The following IMPG1 variants were observed in gnomAD, a reference collection of about 807,000 sequenced individuals.
The protein encoded by IMPG1 is interphotoreceptor matrix proteoglycan of 150 kDa.
IMPG1 carries 85 observed loss-of-function variants against 92.0 expected under a neutral mutation model. The ratio of observed to expected loss-of-function variants is 0.92; its 90% CI spans 0.78 to 1.11. The LOEUF is 1.11. IMPG1 is among the 50% of genes least tolerant of loss of function. The pLI is 0.00. For synonymous variants in IMPG1, 367 were observed against 334.1 expected, an observed-to-expected ratio of 1.10 and a Z score of -1.08; for missense variants, 1,022 against 956.0, an observed-to-expected ratio of 1.07 and a Z score of -0.91.
intron 13 of IMPG1, among the ~76,000 whole-genome samples, chr6:75,949,354 C>A (rs549440059): frequency 6.6e-6 from 1 of 152,196 alleles, no homozygotes; most frequent in Non-Finnish European, 1.5e-5. Context: ...GACCTCTGGT[C>A]GTCCTCACTA....
At chr6:76,067,107 A>C (rs1337229766) in intron 1 of IMPG1, among the ~76,000 whole-genome samples, 1 of 152,126 alleles carries the variant, frequency 6.6e-6, no homozygotes, top group Non-Finnish European at 1.5e-5. Flanking sequence ...ACAAATTAAC[A>C]ACCTAATGTC....
At chr6:76,017,877 C>T (rs1047668747) in intron 7 of IMPG1, among the ~76,000 whole-genome samples, 4 of 152,100 alleles carry the variant, frequency 2.6e-5, no homozygotes, top group Admixed American at 6.5e-5. Context: ...CTCAGCCTCC[C>T]GAGTAGCTGG....
chr6:76,025,371 A>G lies in IMPG1; in HGVS notation c.498-113T>C, dbSNP rs554404849. 176 of 515,192 alleles carry G rather than the reference A, an allele frequency of 3.4e-4. 1 individual carries two copies. The highest frequency in any genetic ancestry group is 4.9e-4 in the Middle Eastern group (1 of 2,022). The allele number at this position is 515,192 out of a possible 1,614,324, so 31.9% of individuals were successfully genotyped here. A position where few individuals can be genotyped will look rare whatever the true frequency, so the allele number is the denominator to read the frequency against. On this transcript the variant is annotated intron_variant, in intron 4 of 16. Coordinates refer to ENST00000369950, the MANE Select transcript of IMPG1 (RefSeq NM_001563.4). ...TAAACCTAAAAGTTATAGGAAAAGC[A>G]TACTTTAAAACTAGATTGACCTATT...
At chr6:75,963,408 T>C (rs1398618636) in intron 12 of IMPG1, among the ~76,000 whole-genome samples, 7 of 152,184 alleles carry the variant, frequency 4.6e-5, no homozygotes, top group Admixed American at 2.6e-4. Context: ...AGTAAAATGC[T>C]GTATTTGTCA....
chr6:75,974,670 C>T (rs1280154970), intron 12 of IMPG1, among the ~76,000 whole-genome samples: 1 of 151,338 alleles, frequency 6.6e-6, no homozygotes, highest in Non-Finnish European at 1.5e-5. Flanking sequence ...TGCCTGCAAC[C>T]ATGCCTGGCT....
intron 14 of IMPG1, among the ~76,000 whole-genome samples, chr6:75,939,355 C>A (rs13207399): frequency 1.3e-5 from 2 of 151,934 alleles, no homozygotes; most frequent in African/African-American, 4.8e-5. Flanking sequence ...CCTGCTCCCC[C>A]CCACCCCACA....
intron 1 of IMPG1, among the ~76,000 whole-genome samples, chr6:76,061,900 T>C (rs1032193704): frequency 3.3e-5 from 5 of 152,214 alleles, no homozygotes; most frequent in African/African-American, 1.2e-4. Flanking sequence ...CTGTCTTTTT[T>C]TGTGCTAAAA....
At chr6:76,005,199 G>A (rs2149477561) in intron 10 of IMPG1, 88 bp downstream of exon 10, 1 of 1,375,528 alleles carries the variant, frequency 7.3e-7, no homozygotes, top group East Asian at 2.3e-5. Flanking sequence ...GAAGACCCAA[G>A]TTAAAATGAC....
At chr6:75,950,455 TG>T (rs1293759127) in intron 13 of IMPG1, 106 bp downstream of exon 13, 63 of 1,010,232 alleles carry the variant, frequency 6.2e-5, no homozygotes, top group Non-Finnish European at 8.7e-5. Context: ...CTTGGCGGTT[TG>T]TTTCTACTAA....
chr6:76,024,991 T>C lies in IMPG1; in HGVS notation c.562+203A>G, dbSNP rs1376156150. 5 of 616,344 alleles carry C rather than the reference T, an allele frequency of 8.1e-6. No homozygotes were observed. In the East Asian group the frequency reaches 1.3e-4, roughly 16 times the overall value. 38.2% of individuals were successfully genotyped at this position (616,344 alleles called of 1,614,324 possible). The stretch of plus-strand genomic sequence containing the variant: ...TTCCAAACTGTAAGATATTGAATGG[T>C]TTGGTTTTACCTTTATTCTTTTCTG... On this transcript the variant is annotated intron_variant, in intron 5 of 16. Coordinates refer to ENST00000369950, the MANE Select transcript of IMPG1 (RefSeq NM_001563.4).
At chr6:76,060,777 T>C (rs1192561435) in intron 1 of IMPG1, among the ~76,000 whole-genome samples, 1 of 152,144 alleles carries the variant, frequency 6.6e-6, no homozygotes, top group Non-Finnish European at 1.5e-5. Flanking sequence ...TTTCTACCCT[T>C]AAGCAAGAAG....
At chr6:75,965,053 T>C (rs370696943) in intron 12 of IMPG1, among the ~76,000 whole-genome samples, 1 of 152,302 alleles carries the variant, frequency 6.6e-6, no homozygotes, top group East Asian at 1.9e-4. Context: ...TATTGCTGAG[T>C]AGTATTACAT....
At chr6:75,939,026 CAG>C (rs1415764530) in intron 14 of IMPG1, among the ~76,000 whole-genome samples, 6 of 151,864 alleles carry the variant, frequency 4.0e-5, no homozygotes, top group Admixed American at 1.3e-4. Context: ...TGTGTAGAGA[CAG>C]GGGTTTCATC....
rs1781432056 is a variant in IMPG1 at position 75,921,664 on chromosome 6, T to C, written c.*425A>G. On this transcript the variant is annotated 3_prime_UTR_variant, in exon 17 of 17. Coordinates refer to ENST00000369950, the MANE Select transcript of IMPG1 (RefSeq NM_001563.4). ...GCGTTTAGAGAGACCTGCATCTCCCTGCGTAAGTAGTCATCTTTTAAATGT... is the reference window on the plus strand; with the variant it reads ...GCGTTTAGAGAGACCTGCATCTCCCCGCGTAAGTAGTCATCTTTTAAATGT... 1 of 185,154 alleles carries C rather than the reference T, an allele frequency of 5.4e-6. No homozygotes were observed. Among genetic ancestry groups the C allele is most frequent in the Admixed American group, 6.2e-5 (1 of 16,196 alleles). 11.5% of individuals were successfully genotyped at this position (185,154 alleles called of 1,614,324 possible).
intron 1 of IMPG1, among the ~76,000 whole-genome samples, chr6:76,068,279 G>A (rs769389739): frequency 9.2e-5 from 14 of 151,982 alleles, no homozygotes; most frequent in African/African-American, 2.7e-4. Context: ...GATCTTATAC[G>A]TAGAAAATCC....
At chr6:76,072,302 C>T in intron 1 of IMPG1, 120 bp downstream of exon 1, 1 of 527,726 alleles carries the variant, frequency 1.9e-6, no homozygotes, top group Non-Finnish European at 3.4e-6. Flanking sequence ...AATATTTATT[C>T]AAGGCCTACT....
intron 12 of IMPG1, among the ~76,000 whole-genome samples, chr6:75,970,175 C>A (rs1782381570): frequency 6.6e-6 from 1 of 152,172 alleles, no homozygotes. Flanking sequence ...AAACTCTCTG[C>A]ACTTCCTACT....
intron 1 of IMPG1, among the ~76,000 whole-genome samples, chr6:76,049,748 C>A (rs1449336143): frequency 6.6e-6 from 1 of 152,064 alleles, no homozygotes; most frequent in Non-Finnish European, 1.5e-5. Context: ...GGATGGGCTC[C>A]CTTGAGCTGG....
At chr6:76,032,904 G>A (rs1783675050) in intron 4 of IMPG1, among the ~76,000 whole-genome samples, 1 of 152,172 alleles carries the variant, frequency 6.6e-6, no homozygotes, top group African/African-American at 2.4e-5. Context: ...AAGGTCAGGA[G>A]GTGAAAGGTC....
Sources: gnomAD v4.1 joint callset for allele counts (sites outside exome capture counted in the v4.1 genomes callset) on GRCh38, gnomAD v4.1.1 for gene constraint, MANE v1.5 for transcripts, NCBI Gene and HGNC (gene_info 2026-07-23, HGNC 2026-07-21) for gene names.